Variants in SRPRB observed in about 807,000 individuals in gnomAD.
SRPRB encodes SRP receptor subunit beta.
SRPRB carries 20 observed loss-of-function variants against 31.9 expected under a neutral mutation model. The ratio of observed to expected loss-of-function variants is 0.63; its 90% confidence interval spans 0.44 to 0.91. The LOEUF (loss-of-function observed/expected upper bound fraction) is 0.91, where lower values mean the gene tolerates loss of function less well. SRPRB is among the 40% of genes least tolerant of loss of function. SRPRB has a pLI of 0.00. For missense variants in SRPRB, 321 were observed against 324.9 expected (o/e 0.99, Z 0.09); for synonymous variants, 146 against 132.8 (o/e 1.10, Z -0.68).
intron 6 of SRPRB, among the ~76,000 whole-genome samples, chr3:133,817,751 C>G (rs1576385464): frequency 6.6e-6 from 1 of 152,244 alleles, no homozygotes; most frequent in South Asian, 2.1e-4. Flanking sequence ...GACTTACTGA[C>G]TCCCTTATTC....
At chr3:133,813,940 C>T (rs1478732093) in intron 4 of SRPRB, among the ~76,000 whole-genome samples, 2 of 152,196 alleles carry the variant, frequency 1.3e-5, no homozygotes, top group Non-Finnish European at 2.9e-5. Flanking sequence ...AATTCATACC[C>T]TATATCTGTG....
At chr3:133,827,785 C>T (rs1935593342), downstream of SRPRB, 1 of 299,684 alleles carries the variant, frequency 3.3e-6, no homozygotes, top group Non-Finnish European at 7.0e-6. Context: ...AGAGGATCAA[C>T]TCCAGGTGGT....
chr3:133,791,039 T>G (rs777015199), intron 1 of SRPRB: 3 of 152,180 alleles, frequency 2.0e-5, no homozygotes, highest in Non-Finnish European at 2.9e-5. Context: ...TATGCACATA[T>G]AAAATCATAT....
At chr3:133,815,255 C>T (rs1355238014) in intron 4 of SRPRB, among the ~76,000 whole-genome samples, 1 of 152,160 alleles carries the variant, frequency 6.6e-6, no homozygotes, top group Non-Finnish European at 1.5e-5. Context: ...GACCTGGTCT[C>T]ATTTAAATGA....
At chr3:133,813,874 G>A (rs1935316841) in intron 4 of SRPRB, among the ~76,000 whole-genome samples, 1 of 152,192 alleles carries the variant, frequency 6.6e-6, no homozygotes, top group East Asian at 1.9e-4. Flanking sequence ...AATAAGTCTG[G>A]CCCAATTTTT....
chr3:133,808,382 G>A (rs1294796444), intron 3 of SRPRB, among the ~76,000 whole-genome samples: 1 of 151,496 alleles, frequency 6.6e-6, no homozygotes, highest in Non-Finnish European at 1.5e-5. Flanking sequence ...ATACAACTTG[G>A]GCTTTTCTTA....
chr3:133,827,553 CTGAACCACATCCTCAGG>C (rs1935584860), downstream of SRPRB: 2 of 259,970 alleles, frequency 7.7e-6, no homozygotes, highest in Admixed American at 5.2e-5. Context: ...GAGACCCCAC[CTGAACCACATCCTCAGG>C]TGACCACAGC....
At chr3:133,806,076 C>T (rs898843314) in intron 1 of SRPRB, 74 bp downstream of exon 1, 46 of 1,544,160 alleles carry the variant, frequency 3.0e-5, no homozygotes, top group Admixed American at 9.6e-5. Flanking sequence ...CGCTGCAGGC[C>T]GGGGACGCGG....
intron 1 of SRPRB, among the ~76,000 whole-genome samples, chr3:133,797,210 C>T (rs1934989830): frequency 6.6e-6 from 1 of 152,144 alleles, no homozygotes; most frequent in Non-Finnish European, 1.5e-5. Flanking sequence ...AGTTAGTAAA[C>T]TAATACATTG....
Position 133,797,472 on chromosome 3 carries a change from A to G in SRPRB, c.-173-8204A>G, listed in dbSNP as rs140478876. Among the ~76,000 whole-genome samples, 148 of 152,320 alleles carry G rather than the reference A, an allele frequency of 9.7e-4. 1 individual carries two copies. The highest frequency in any genetic ancestry group is 3.4e-3 in the African/African-American group (141 of 41,568). ...GTGGAAAACTCAAGTCCTATTTAAA[A>G]CACCTAGTCTTCTTAGATGTTTAAA... is the stretch of plus-strand genomic sequence containing the variant. On this transcript the variant is annotated intron_variant, in intron 1 of 7. Coordinates refer to the SRPRB transcript ENST00000466490.
chr3:133,803,953 G>A (rs1229597258), upstream of SRPRB, among the ~76,000 whole-genome samples: 3 of 150,924 alleles, frequency 2.0e-5, no homozygotes, highest in South Asian at 2.1e-4. Context: ...AAAATTAGCC[G>A]GGCATGGTGG....
chr3:133,796,735 T>C (rs371454484), intron 1 of SRPRB: 25 of 152,310 alleles, frequency 1.6e-4, no homozygotes, highest in Middle Eastern at 3.4e-3. Flanking sequence ...ACTGGACATA[T>C]AGTGGACAAA....
rs1020763103 is a variant in SRPRB, at chr3:133,819,859, G to C, written c.*93G>C. The C allele has an allele frequency of 3.6e-6, 4 of 1,099,914 alleles. No homozygotes were observed. Among genetic ancestry groups the C allele is most frequent in the Non-Finnish European group, 5.3e-6 (4 of 750,962 alleles). 68.1% of individuals were successfully genotyped at this position (1,099,914 alleles called of 1,614,324 possible). On this transcript the variant is annotated 3_prime_UTR_variant, in exon 7 of 7. Transcript: ENST00000678299. ...TGGAGTTGATGAGGAAGGGGTACAA[G>C]ATGTGGTTAGAAACATTTCTTTGTT... is the stretch of plus-strand genomic sequence containing the variant.
At chr3:133,819,478 A>C in intron 6 of SRPRB, 75 bp from the exon 7 acceptor site, 1 of 1,400,274 alleles carries the variant, frequency 7.1e-7, no homozygotes, top group Non-Finnish European at 1.0e-6. Flanking sequence ...TGAGTGCTGA[A>C]ATGTTTAGAA....
downstream of SRPRB, chr3:133,826,664 G>A (rs2107982088): frequency 6.5e-6 from 1 of 152,772 alleles, no homozygotes; most frequent in East Asian, 1.9e-4. Flanking sequence ...TGCATATAAA[G>A]TACATAGAGA....
chr3:133,819,452 A>G (rs943094645), intron 6 of SRPRB, 101 bp from the exon 7 acceptor site: 10 of 1,072,726 alleles, frequency 9.3e-6, no homozygotes, highest in African/African-American at 3.2e-5. Flanking sequence ...TGGCAATTCT[A>G]TAGTTAAGTT....
At chr3:133,811,084 T>C (rs1935254163) in intron 3 of SRPRB, 33 bp from the exon 4 acceptor site, 1 of 1,607,756 alleles carries the variant, frequency 6.2e-7, no homozygotes, top group Non-Finnish European at 8.5e-7. Flanking sequence ...TGGAACTGTA[T>C]TGAAACGTTA....
At chr3:133,814,845 C>CCCTA (rs1935338984) in intron 4 of SRPRB, among the ~76,000 whole-genome samples, 3 of 152,190 alleles carry the variant, frequency 2.0e-5, no homozygotes, top group African/African-American at 7.2e-5. Context: ...TTAGTTCAGG[C>CCCTA]CCTACCTGGT....
chr3:133,819,904 G>A lies in SRPRB; in HGVS notation c.*138G>A. The stretch of plus-strand genomic sequence containing the variant: ...TTTGTTCTGGAAACAAAGTACTGTT[G>A]AAACCAGCTTGGAATTTTTTTTTTT... On this transcript the variant is annotated 3_prime_UTR_variant, in exon 7 of 7. Transcript: ENST00000678299. The A allele has an allele frequency of 2.7e-6, 2 of 729,510 alleles. No individual in the cohort carries two copies. The highest frequency in any genetic ancestry group is 4.3e-6 in the Non-Finnish European group (2 of 462,746). 45.2% of individuals were successfully genotyped at this position (729,510 alleles called of 1,614,324 possible). A position where few individuals can be genotyped will look rare whatever the true frequency, so the allele number is the denominator to read the frequency against.
Sources: allele counts gnomAD v4.1 joint callset (sites outside exome capture counted in the v4.1 genomes callset), GRCh38; gene constraint gnomAD v4.1.1; transcripts MANE v1.5; gene names NCBI Gene and HGNC (gene_info 2026-07-23, HGNC 2026-07-21).